FUT8: variants seen among roughly 807,000 people sequenced by gnomAD.
FUT8 encodes the protein fucosyltransferase 8.
A neutral mutation model predicts 71.3 loss-of-function variants in FUT8; 29 were observed. That is an observed-to-expected ratio of 0.41 (90% CI 0.30 to 0.55). The LOEUF is 0.55. FUT8 is among the 20% of genes least tolerant of loss of function. The pLI, the probability that FUT8 is intolerant of heterozygous loss-of-function variation, is 0.34. For synonymous variants in FUT8, 254 were observed against 239.3 expected (o/e 1.06, Z -0.57); for missense variants, 544 against 702.1 (o/e 0.77, Z 2.55).
chr14:65,430,392 T>C (rs1256486924), intron 1 of FUT8: 3 of 152,204 alleles, frequency 2.0e-5, no homozygotes, highest in Non-Finnish European at 4.4e-5. Context: ...GAATTTTTAA[T>C]ACATATAAAA....
At chr14:65,502,754 G>A (rs1230406814) in intron 2 of FUT8, among the ~76,000 whole-genome samples, 1 of 152,192 alleles carries the variant, frequency 6.6e-6, no homozygotes, top group Non-Finnish European at 1.5e-5. Flanking sequence ...CCTCTGAAAA[G>A]ATTATGCCTT....
the FUT8 span, among the ~76,000 whole-genome samples, chr14:65,372,464 G>T: frequency 6.6e-6 from 1 of 150,518 alleles, no homozygotes; most frequent in Middle Eastern, 3.2e-3. Flanking sequence ...CACCCGAGCT[G>T]GAGTGCAGTG....
At chr14:65,675,906 A>G (rs2140390577) in intron 7 of FUT8, among the ~76,000 whole-genome samples, 1 of 152,252 alleles carries the variant, frequency 6.6e-6, no homozygotes, top group African/African-American at 2.4e-5. Context: ...CTGAGAGGGA[A>G]GAATCACTTG....
In FUT8 at chr14:65,627,655, T is replaced by C. The variant is rs879819859; in HGVS notation, c.483-1837T>C. Among the ~76,000 whole-genome samples, 2 of 152,206 alleles carry C rather than the reference T, an allele frequency of 1.3e-5. No homozygotes were observed. Among genetic ancestry groups the C allele is most frequent in the Non-Finnish European group, 2.9e-5 (2 of 68,040 alleles). ...AGTTGTGCACATGCTCATTTGAGGCTTTTTTTCCTTACCAGTTGAGTGTTC... is the reference window on the plus strand; with the variant it reads ...AGTTGTGCACATGCTCATTTGAGGCCTTTTTTCCTTACCAGTTGAGTGTTC... On this transcript the variant is annotated intron_variant, in intron 5 of 10. Coordinates refer to ENST00000673929, the MANE Select transcript of FUT8 (RefSeq NM_001371533.1). This position sits in a 1 kb window ranked among gnomAD's most constrained non-coding sequence, Gnocchi z 4.0.
intron 7 of FUT8, among the ~76,000 whole-genome samples, chr14:65,709,960 C>T (rs926959522): frequency 4.6e-5 from 7 of 152,146 alleles, no homozygotes; most frequent in Non-Finnish European, 7.3e-5. Context: ...TGCAATTCAT[C>T]GACATTGGTT....
chr14:65,655,405 G>T (rs2140335092), intron 6 of FUT8, among the ~76,000 whole-genome samples: 1 of 151,498 alleles, frequency 6.6e-6, no homozygotes, highest in African/African-American at 2.4e-5. Flanking sequence ...GAACCTGGGA[G>T]GCGGAACTTG....
At chr14:65,476,844 C>A (rs2066253823) in intron 2 of FUT8, among the ~76,000 whole-genome samples, 1 of 152,014 alleles carries the variant, frequency 6.6e-6, no homozygotes, top group Admixed American at 6.6e-5. Flanking sequence ...TGGCTCTGGT[C>A]TGAATACATT....
In FUT8 at chr14:65,650,868, C is replaced by G. The variant is rs186333470; in HGVS notation, c.598-18375C>G. ...GACAGAGAGGGGGGAAAAAAAAGCC[C>G]CATTTTAATGATATCTATCCAGTTG... On this transcript the variant is annotated intron_variant, in intron 6 of 10. Transcript: ENST00000673929. Among the ~76,000 whole-genome samples the G allele has an allele frequency of 1.2e-3, 188 of 152,248 alleles. 1 individual carries two copies. The highest frequency in any genetic ancestry group is 4.3e-3 in the African/African-American group (177 of 41,550).
intron 3 of FUT8, among the ~76,000 whole-genome samples, chr14:65,595,030 C>T (rs945661685): frequency 1.3e-5 from 2 of 152,172 alleles, no homozygotes; most frequent in South Asian, 2.1e-4. Flanking sequence ...CTTTTCCACT[C>T]GAAGTTGGGA....
intron 2 of FUT8, among the ~76,000 whole-genome samples, chr14:65,471,572 C>A (rs1271457736): frequency 6.6e-6 from 1 of 152,012 alleles, no homozygotes; most frequent in Admixed American, 6.5e-5. Flanking sequence ...ATTACTGTTT[C>A]AAGTGTTCCT....
intron 3 of FUT8, among the ~76,000 whole-genome samples, chr14:65,578,691 A>G (rs552331079): frequency 1.6e-4 from 25 of 152,276 alleles, no homozygotes; most frequent in African/African-American, 6.0e-4. Flanking sequence ...AATGAAATAA[A>G]ATGGTTGTTT....
chr14:65,670,761 T>C (rs1858964337), intron 7 of FUT8, among the ~76,000 whole-genome samples: 1 of 152,174 alleles, frequency 6.6e-6, no homozygotes, highest in African/African-American at 2.4e-5. Flanking sequence ...TTTGCAGAAG[T>C]GTCATGAAAC....
At chr14:65,572,569 T>C (rs550970839) in intron 3 of FUT8, among the ~76,000 whole-genome samples, 1 of 152,066 alleles carries the variant, frequency 6.6e-6, no homozygotes, top group Non-Finnish European at 1.5e-5. Context: ...CAATCCTTTT[T>C]TGCCTAACAC....
rs150068710 is a variant in FUT8 at position 65,714,382 on chromosome 14, C to T, written c.836-7393C>T. Among the ~76,000 whole-genome samples the T allele has an allele frequency of 3.9e-3, 599 of 151,944 alleles. 4 individuals carry two copies. The highest frequency in any genetic ancestry group is 0.035 in the East Asian group (179 of 5,174). On this transcript the variant is annotated intron_variant, in intron 7 of 10. Coordinates refer to ENST00000673929, the MANE Select transcript of FUT8 (RefSeq NM_001371533.1). ...GTTTTGTGCTTTCTGCTTAGGACAGCTTTGGTTATCCTGTGTCTTTTGTGG... is the reference window on the plus strand; with the variant it reads ...GTTTTGTGCTTTCTGCTTAGGACAGTTTTGGTTATCCTGTGTCTTTTGTGG...
chr14:65,736,426 G>C (rs996425139), intron 10 of FUT8, among the ~76,000 whole-genome samples: 7 of 151,378 alleles, frequency 4.6e-5, no homozygotes, highest in Admixed American at 4.6e-4. Flanking sequence ...CATTAGCTCT[G>C]CTTGTGGTTA....
At chr14:65,558,536 A>G (rs913220500) in intron 2 of FUT8, among the ~76,000 whole-genome samples, 1 of 152,160 alleles carries the variant, frequency 6.6e-6, no homozygotes, top group Non-Finnish European at 1.5e-5. Flanking sequence ...TTTAAGCTGT[A>G]TTTATTAGTG....
chr14:65,579,341 A>G (rs996958062), intron 3 of FUT8, among the ~76,000 whole-genome samples: 2 of 152,114 alleles, frequency 1.3e-5, no homozygotes, highest in African/African-American at 4.8e-5. Flanking sequence ...TTTATATTAC[A>G]GTTACTTTTG....
intron 7 of FUT8, among the ~76,000 whole-genome samples, chr14:65,687,021 G>A (rs892260357): frequency 3.3e-5 from 5 of 152,148 alleles, no homozygotes; most frequent in Non-Finnish European, 7.4e-5. Flanking sequence ...TGGACTCTTT[G>A]TGTTTCTAAT....
intron 10 of FUT8, among the ~76,000 whole-genome samples, chr14:65,741,246 T>C (rs960801913): frequency 1.3e-5 from 2 of 151,898 alleles, no homozygotes; most frequent in South Asian, 4.1e-4. Flanking sequence ...CTTAAAACTA[T>C]AGTAATCAGG....
Sources: allele counts gnomAD v4.1 joint callset (sites outside exome capture counted in the v4.1 genomes callset), GRCh38; gene constraint gnomAD v4.1.1; non-coding constraint Gnocchi (gnomAD v3.1); transcripts MANE v1.5; gene names NCBI Gene and HGNC (gene_info 2026-07-23, HGNC 2026-07-21).